Variants in NT5C2 observed in about 807,000 individuals in gnomAD.
NT5C2 encodes 5'-nucleotidase, cytosolic II.
NT5C2 carries 58 observed loss-of-function variants against 76.1 expected under a neutral mutation model. The observed-to-expected ratio is 0.76, with a 90% CI of 0.62 to 0.95. The LOEUF (loss-of-function observed/expected upper bound fraction) is 0.95, where lower values mean the gene tolerates loss of function less well. Among genes scored for constraint, NT5C2 ranks in the 40% least tolerant of loss-of-function variants. NT5C2 has a pLI of 0.00. For missense variants in NT5C2, 478 were observed against 690.3 expected (o/e 0.69, Z 3.45); for synonymous variants, 229 against 237.4 (o/e 0.96, Z 0.32).
intron 3 of NT5C2, among the ~76,000 whole-genome samples, chr10:103,160,471 G>C (rs2084561637): frequency 6.6e-6 from 1 of 152,120 alleles, no homozygotes; most frequent in African/African-American, 2.4e-5. Flanking sequence ...TCAGCCCACA[G>C]AACAGGAGAC....
At chr10:103,099,903 G>A (rs748452433) in intron 9 of NT5C2, 23 bp downstream of exon 9, 1 of 1,436,024 alleles carries the variant, frequency 7.0e-7, no homozygotes, top group South Asian at 1.1e-5. Context: ...AAGCAAGCAG[G>A]TGAAGAAACA....
In NT5C2 at chr10:103,094,053, T is replaced by G. The variant is rs2067555104; in HGVS notation, c.922-15A>C. ...TTGCCAGTTTTCTGTATGAAGAATA[T>G]GGATTTTGTAATACTTTATCATCCT... On this transcript the variant is annotated splice_polypyrimidine_tract_variant and intron_variant, in intron 13 of 18. Transcript: ENST00000404739. 2 of 1,606,342 alleles carry G rather than the reference T, an allele frequency of 1.2e-6. No homozygotes were observed. The highest frequency in any genetic ancestry group is 1.7e-6 in the Non-Finnish European group (2 of 1,172,950).
chr10:103,161,648 CA>C (rs1478303744), intron 3 of NT5C2, among the ~76,000 whole-genome samples: 2 of 151,958 alleles, frequency 1.3e-5, no homozygotes, highest in Non-Finnish European at 1.5e-5. Context: ...CATTTGAGCC[CA>C]TGAGTGTGAG....
chr10:103,188,267 C>T (rs941320864), intron 1 of NT5C2, among the ~76,000 whole-genome samples: 2 of 151,826 alleles, frequency 1.3e-5, no homozygotes, highest in South Asian at 2.1e-4. Context: ...CTGAGCCAGA[C>T]GAATCACTTG....
chr10:103,099,005 GAATT>G (rs1470484552), intron 9 of NT5C2, 21 bp from the exon 10 acceptor site: 1 of 1,575,208 alleles, frequency 6.3e-7, no homozygotes, highest in Non-Finnish European at 8.7e-7. Context: ...ACAAAAAAAA[GAATT>G]AAGAAAAGAA....
intron 3 of NT5C2, chr10:103,146,252 CTG>C: frequency 1.0e-6 from 1 of 985,368 alleles, no homozygotes; most frequent in Non-Finnish European, 1.2e-6. Context: ...TTGGATATCA[CTG>C]TTGCTCCACA....
rs1310025387 is a variant in NT5C2 at position 103,188,705 on chromosome 10, T to A, written c.-169+4531A>T. Among the ~76,000 whole-genome samples the A allele has an allele frequency of 2.6e-5, 4 of 152,260 alleles. No homozygotes were observed. In the East Asian group the frequency reaches 7.7e-4, roughly 29 times the overall value. ...CATTTATAAATCAGAAAATTCTGTA[T>A]AACATACGAATTTGGGCTGGGCGCA... On this transcript the variant is annotated intron_variant, in intron 1 of 18. Coordinates refer to ENST00000404739, the MANE Select transcript of NT5C2 (RefSeq NM_001351169.2).
At chr10:103,117,539 C>T (rs2074631462) in intron 4 of NT5C2, among the ~76,000 whole-genome samples, 2 of 152,156 alleles carry the variant, frequency 1.3e-5, no homozygotes, top group Non-Finnish European at 2.9e-5. Flanking sequence ...CCTTGCTATT[C>T]AGGAGTTTGA....
intron 9 of NT5C2, among the ~76,000 whole-genome samples, chr10:103,099,229 A>G (rs571929984): frequency 2.0e-5 from 3 of 152,164 alleles, no homozygotes; most frequent in Non-Finnish European, 4.4e-5. Flanking sequence ...CCACACCAAC[A>G]TGCCTGGCTA....
In NT5C2 at chr10:103,098,229, C is replaced by T. The variant is rs533513225; in HGVS notation, c.687+702G>A. On this transcript the variant is annotated intron_variant, in intron 10 of 18. Transcript: ENST00000404739. ...TTCCTCCAGTTTCCCTTAATATTAA[C>T]ATCTTATATAACCACAGTATAATTA... The T allele has an allele frequency of 3.1e-5, 11 of 354,750 alleles. No individual in the cohort carries two copies. The East Asian group carries it at 9.4e-4, about 30-fold the overall frequency. The allele number at this position is 354,750 out of a possible 1,614,324, so 22.0% of individuals were successfully genotyped here.
intron 2 of NT5C2, among the ~76,000 whole-genome samples, chr10:103,177,955 T>C (rs917101470): frequency 1.3e-5 from 2 of 152,182 alleles, no homozygotes; most frequent in South Asian, 4.1e-4. Flanking sequence ...ACCCAGCCCC[T>C]GGCAACAACC....
chr10:103,111,296 G>A (rs562220832), intron 4 of NT5C2, among the ~76,000 whole-genome samples: 2 of 152,306 alleles, frequency 1.3e-5, no homozygotes, highest in East Asian at 3.9e-4. Context: ...GACAAAGGAA[G>A]AAGCTATTTT....
intron 4 of NT5C2, among the ~76,000 whole-genome samples, chr10:103,135,468 A>C (rs995028776): frequency 2.0e-5 from 3 of 152,118 alleles, no homozygotes; most frequent in Admixed American, 1.3e-4. Flanking sequence ...CCAGGTGGAA[A>C]TATAAGTCCA....
intron 3 of NT5C2, among the ~76,000 whole-genome samples, chr10:103,167,847 T>C (rs2086803497): frequency 1.3e-5 from 2 of 152,216 alleles, no homozygotes; most frequent in South Asian, 4.1e-4. Flanking sequence ...CCCAGGCTGG[T>C]CTTGAACTCC....
intron 3 of NT5C2, chr10:103,153,334 A>C: frequency 7.8e-7 from 1 of 1,279,554 alleles, no homozygotes; most frequent in Middle Eastern, 2.1e-4. Flanking sequence ...CTGGATGAGA[A>C]TACAGGATCA....
chr10:103,189,018 T>C (rs1197360128), intron 1 of NT5C2, among the ~76,000 whole-genome samples: 1 of 144,250 alleles, frequency 6.9e-6, no homozygotes, highest in Non-Finnish European at 1.5e-5. Flanking sequence ...AAAAAAAGAG[T>C]GTGGGATGAA....
At chr10:103,095,030 T>C (rs1428980519) in intron 12 of NT5C2, among the ~76,000 whole-genome samples, 2 of 152,218 alleles carry the variant, frequency 1.3e-5, no homozygotes, top group Admixed American at 6.5e-5. Flanking sequence ...TTACAGCACT[T>C]TATGAAAGTG....
chr10:103,106,274 A>G (rs560996950), intron 5 of NT5C2, among the ~76,000 whole-genome samples: 1 of 152,332 alleles, frequency 6.6e-6, no homozygotes, highest in South Asian at 2.1e-4. Context: ...AGAAACACGT[A>G]CCTATTTGCC....
intron 4 of NT5C2, among the ~76,000 whole-genome samples, chr10:103,130,242 T>G (rs906923781): frequency 1.2e-4 from 18 of 151,658 alleles, no homozygotes; most frequent in African/African-American, 3.9e-4. Flanking sequence ...ATCCTGTTGA[T>G]CTGTGACCTT....
Sources: allele counts gnomAD v4.1 joint callset (sites outside exome capture counted in the v4.1 genomes callset), GRCh38; gene constraint gnomAD v4.1.1; transcripts MANE v1.5; gene names NCBI Gene and HGNC (gene_info 2026-07-23, HGNC 2026-07-21).